Variants in SLC28A1 observed in about 807,000 individuals in gnomAD.
SLC28A1 encodes sodium/nucleoside cotransporter 1.
A neutral mutation model predicts 74.8 loss-of-function variants in SLC28A1; 64 were observed. That is an observed-to-expected ratio of 0.86 (90% CI 0.70 to 1.05). The LOEUF (loss-of-function observed/expected upper bound fraction) is 1.05, where lower values mean the gene tolerates loss of function less well. Among genes scored for constraint, SLC28A1 ranks in the 50% least tolerant of loss-of-function variants. The probability of loss-of-function intolerance (pLI) is 0.00; values close to 1 mark genes in which losing one functional copy is unlikely to be tolerated. For synonymous variants in SLC28A1, 359 were observed against 335.0 expected, an observed-to-expected ratio of 1.07 and a Z score of -0.78; for missense variants, 828 against 822.8, an observed-to-expected ratio of 1.01 and a Z score of -0.08.
chr15:84,895,236 ACT>A (rs980492058), intron 6 of SLC28A1, 113 bp downstream of exon 6: 4 of 1,575,500 alleles, frequency 2.5e-6, no homozygotes, highest in South Asian at 1.1e-5. Flanking sequence ...GTCATGGAGA[ACT>A]CTCTGGCGCC....
At chr15:84,897,372 C>T (rs183929067) in intron 6 of SLC28A1, among the ~76,000 whole-genome samples, 62 of 151,868 alleles carry the variant, frequency 4.1e-4, no homozygotes, top group African/African-American at 1.3e-3. Context: ...GGTGACAGAG[C>T]GAGACTCCGT....
intron 10 of SLC28A1, among the ~76,000 whole-genome samples, 188 bp downstream of exon 10, chr15:84,918,792 C>A (rs1206211379): frequency 6.6e-6 from 1 of 151,476 alleles, no homozygotes; most frequent in Non-Finnish European, 1.5e-5. Flanking sequence ...TGCCAAGTTC[C>A]ACACCTTTCT....
the SLC28A1 span, among the ~76,000 whole-genome samples, chr15:84,971,633 C>G: frequency 1.3e-5 from 2 of 151,590 alleles, no homozygotes; most frequent in East Asian, 3.9e-4. Flanking sequence ...ATACCCCACC[C>G]CTCCCCTCCC....
intron 4 of SLC28A1, among the ~76,000 whole-genome samples, chr15:84,889,187 C>T (rs947182396): frequency 1.3e-5 from 2 of 152,132 alleles, no homozygotes; most frequent in Admixed American, 6.5e-5. Context: ...TGGGGTACCT[C>T]GGGGAGTCTG....
intron 6 of SLC28A1, among the ~76,000 whole-genome samples, chr15:84,900,607 C>T (rs937619206): frequency 2.6e-5 from 4 of 151,554 alleles, no homozygotes; most frequent in African/African-American, 4.9e-5. Flanking sequence ...GAGACCAGCC[C>T]GAGTAACATC....
rs2079161921 is a variant in SLC28A1, at chr15:84,945,232, G to A, written c.*32G>A. The A allele has an allele frequency of 6.2e-7, 1 of 1,601,804 alleles. No homozygotes were observed. The highest frequency in any genetic ancestry group is 8.6e-7 in the Non-Finnish European group (1 of 1,168,872). ...AACATGCTTGTGCTTCTGCGCTTCT[G>A]AGGGCTGTTCTCCCCCGGGAACCAT... On this transcript the variant is annotated 3_prime_UTR_variant, in exon 19 of 19. Coordinates refer to ENST00000394573, the MANE Select transcript of SLC28A1 (RefSeq NM_004213.5).
chr15:84,895,051 G>T lies in SLC28A1; in HGVS notation c.389G>T (p.Arg130Leu). 1 of 1,612,460 alleles carries T rather than the reference G, an allele frequency of 6.2e-7. No homozygotes were observed. Among genetic ancestry groups the T allele is most frequent in the Non-Finnish European group, 8.5e-7 (1 of 1,179,482 alleles). The part of the protein sequence containing the change: ...LTFLGHRLLK[R>L]LLGPKLRRFL... Reference sequence around the variant, plus strand: ...TTCCTGGGCCACCGCCTGCTGAAACGGCTTCTGGGGCCAAAGCTGAGGAGG... The same window carrying T: ...TTCCTGGGCCACCGCCTGCTGAAACTGCTTCTGGGGCCAAAGCTGAGGAGG... The change falls in exon 6 of 19, where the codon CGG (arginine) becomes CTG (leucine). Residue 130 changes from arginine (R) to leucine (L), a missense_variant. By Grantham distance (102) the Arg-to-Leu change is moderately radical (BLOSUM62 -2). Coordinates refer to ENST00000394573, the MANE Select transcript of SLC28A1 (RefSeq NM_004213.5).
chr15:84,966,923 C>T, the SLC28A1 span, among the ~76,000 whole-genome samples: 7 of 152,120 alleles, frequency 4.6e-5, no homozygotes, highest in Non-Finnish European at 1.0e-4. Flanking sequence ...AGGAACATGC[C>T]ACCATGCCCA....
chr15:84,918,670 C>T (rs1969432539), intron 10 of SLC28A1, 66 bp downstream of exon 10: 1 of 1,208,434 alleles, frequency 8.3e-7, no homozygotes, highest in South Asian at 1.2e-5. Flanking sequence ...TCACACTGTC[C>T]CAGAATGCCT....
Position 84,918,829 on chromosome 15 carries a change from C to A in SLC28A1, c.876+225C>A, listed in dbSNP as rs558710290. On this transcript the variant is annotated intron_variant, in intron 10 of 18. Transcript: ENST00000394573. Reference sequence around the variant, plus strand: ...GAATCCTTTGCTCCTGAGGCCCATACCTTCCCAGAATCCCCAACTCTTAGA... The same window carrying A: ...GAATCCTTTGCTCCTGAGGCCCATAACTTCCCAGAATCCCCAACTCTTAGA... Among the ~76,000 whole-genome samples, 301 of 67,484 alleles carry A rather than the reference C, an allele frequency of 4.5e-3. 10 individuals carry two copies. Among genetic ancestry groups the A allele is most frequent in the Non-Finnish European group, 5.5e-3 (179 of 32,782 alleles). 44.3% of individuals were successfully genotyped at this position (67,484 alleles called of 152,430 possible). A position where few individuals can be genotyped will look rare whatever the true frequency, so the allele number is the denominator to read the frequency against.
intron 12 of SLC28A1, 112 bp downstream of exon 12, chr15:84,924,222 T>A: frequency 1.5e-6 from 2 of 1,299,956 alleles, no homozygotes; most frequent in Non-Finnish European, 2.2e-6. Flanking sequence ...CTCTTGGGCC[T>A]GCTGTGCTGG....
chr15:84,928,590 C>CT (rs1468860248), intron 12 of SLC28A1, among the ~76,000 whole-genome samples: 1 of 15,356 alleles, frequency 6.5e-5, no homozygotes, highest in Non-Finnish European at 1.1e-4. Flanking sequence ...TTCTTTCTTT[C>CT]TTTCTTTCTT....
chr15:84,920,945 G>A (rs771465691), intron 10 of SLC28A1, 44 bp from the exon 11 acceptor site: 3 of 1,500,938 alleles, frequency 2.0e-6, no homozygotes, highest in African/African-American at 2.7e-5. Context: ...TGACTCTGGG[G>A]TTTGCTGATG....
At chr15:84,955,219 A>G in the SLC28A1 span, among the ~76,000 whole-genome samples, 1 of 152,186 alleles carries the variant, frequency 6.6e-6, no homozygotes, top group Non-Finnish European at 1.5e-5. Flanking sequence ...GGCCTCAGAC[A>G]TCATGGAACT....
the SLC28A1 span, among the ~76,000 whole-genome samples, chr15:84,973,065 G>T: frequency 2.9e-5 from 4 of 138,332 alleles, no homozygotes; most frequent in African/African-American, 1.4e-4. Flanking sequence ...GCCCTGCATG[G>T]TCTGACTTTA....
intron 3 of SLC28A1, among the ~76,000 whole-genome samples, chr15:84,888,091 ATAGTCTGAAAGTCC>A (rs1247561959): frequency 6.6e-6 from 1 of 152,154 alleles, no homozygotes; most frequent in East Asian, 1.9e-4. Context: ...TGTGTGCACT[ATAGTCTGAAAGTCC>A]TAGTCTGAAA....
intron 8 of SLC28A1, among the ~76,000 whole-genome samples, chr15:84,908,399 G>A (rs529655409): frequency 1.3e-4 from 20 of 151,952 alleles, no homozygotes; most frequent in African/African-American, 4.3e-4. Context: ...TGCCAAGCTG[G>A]TTTCGAACTC....
At chr15:84,917,653 A>G (rs1280016712) in intron 9 of SLC28A1, among the ~76,000 whole-genome samples, 5 of 152,096 alleles carry the variant, frequency 3.3e-5, no homozygotes, top group Non-Finnish European at 5.9e-5. Context: ...TCATTTAACA[A>G]CATATCTTGG....
intron 4 of SLC28A1, among the ~76,000 whole-genome samples, chr15:84,889,592 G>A (rs1965041593): frequency 6.6e-6 from 1 of 152,088 alleles, no homozygotes; most frequent in Admixed American, 6.5e-5. Context: ...ATGGGCAGGT[G>A]GATGAACGAC....
Sources: allele counts gnomAD v4.1 joint callset (sites outside exome capture counted in the v4.1 genomes callset), GRCh38; gene constraint gnomAD v4.1.1; transcripts MANE v1.5; gene names NCBI Gene and HGNC (gene_info 2026-07-23, HGNC 2026-07-21).